The following CAMKMT variants were observed in gnomAD, a reference collection of about 807,000 sequenced individuals.
The protein encoded by CAMKMT is CaM KMT.
In CAMKMT, 53 loss-of-function variants were observed where a neutral mutation model predicts 48.0. The ratio of observed to expected loss-of-function variants is 1.10; its 90% CI spans 0.89 to 1.39. The LOEUF (loss-of-function observed/expected upper bound fraction) is 1.39, where lower values mean the gene tolerates loss of function less well. Ranked by LOEUF, CAMKMT falls within the 40% of genes most tolerant of loss-of-function variation. The pLI, the probability that CAMKMT is intolerant of heterozygous loss-of-function variation, is 0.00. For missense variants in CAMKMT, 428 were observed against 402.7 expected (o/e 1.06, Z -0.54); for synonymous variants, 165 against 152.3 (o/e 1.08, Z -0.61).
At chr2:44,564,820 G>C (rs576222905) in intron 3 of CAMKMT, among the ~76,000 whole-genome samples, 25 of 152,318 alleles carry the variant, frequency 1.6e-4, no homozygotes, top group African/African-American at 5.8e-4. Context: ...GATTACAGGC[G>C]TGAGCTACCA....
At chr2:44,721,750 G>A (rs1409109487) in intron 7 of CAMKMT, among the ~76,000 whole-genome samples, 1 of 152,036 alleles carries the variant, frequency 6.6e-6, no homozygotes, top group African/African-American at 2.4e-5. Context: ...TGGGAGGGTT[G>A]CTTGAGCCCA....
intron 3 of CAMKMT, among the ~76,000 whole-genome samples, chr2:44,634,539 C>T (rs939458402): frequency 1.3e-5 from 2 of 151,962 alleles, no homozygotes; most frequent in African/African-American, 4.8e-5. Context: ...TAGAAATTTA[C>T]TTATACATCA....
intron 3 of CAMKMT, among the ~76,000 whole-genome samples, chr2:44,402,703 A>G (rs950132322): frequency 2.1e-5 from 3 of 142,620 alleles, no homozygotes; most frequent in Non-Finnish European, 3.0e-5. Flanking sequence ...TGCATCCTGG[A>G]CAGTTCTCTA....
intron 1 of CAMKMT, among the ~76,000 whole-genome samples, chr2:44,371,141 C>A (rs906797298): frequency 6.6e-6 from 1 of 152,176 alleles, no homozygotes; most frequent in Non-Finnish European, 1.5e-5. Context: ...CCCGCCACCA[C>A]ACCTGGCTAA....
chr2:44,738,459 A>C (rs1440654534), intron 7 of CAMKMT, among the ~76,000 whole-genome samples: 1 of 152,222 alleles, frequency 6.6e-6, no homozygotes, highest in African/African-American at 2.4e-5. Context: ...ATATCTAGCT[A>C]ATCCACACAT....
chr2:44,564,284 T>C (rs1278071983), intron 3 of CAMKMT, among the ~76,000 whole-genome samples: 2 of 151,712 alleles, frequency 1.3e-5, no homozygotes, highest in African/African-American at 4.8e-5. Context: ...CAAGCGATTC[T>C]CCTGCCTCAG....
At chr2:44,364,385 C>T (rs936938054) in intron 1 of CAMKMT, among the ~76,000 whole-genome samples, 3 of 152,064 alleles carry the variant, frequency 2.0e-5, no homozygotes, top group Non-Finnish European at 2.9e-5. Context: ...GAAGCCACCC[C>T]TAATGCCTCT....
intron 3 of CAMKMT, among the ~76,000 whole-genome samples, chr2:44,399,165 A>C (rs1682129709): frequency 6.6e-6 from 1 of 152,166 alleles, no homozygotes; most frequent in Non-Finnish European, 1.5e-5. Flanking sequence ...AGTTCGTCTT[A>C]AGCCTTTGCC....
At chr2:44,459,081 T>A (rs1007498106) in intron 3 of CAMKMT, among the ~76,000 whole-genome samples, 3 of 151,804 alleles carry the variant, frequency 2.0e-5, no homozygotes, top group African/African-American at 7.3e-5. Context: ...CTGCTCTACC[T>A]CTGTAGACAT....
intron 3 of CAMKMT, among the ~76,000 whole-genome samples, chr2:44,462,182 C>G (rs1260257342): frequency 6.6e-6 from 1 of 151,894 alleles, no homozygotes; most frequent in African/African-American, 2.4e-5. Context: ...ATATAATACA[C>G]AGGACAACTC....
At chr2:44,427,480 G>T (rs1684347248) in intron 3 of CAMKMT, among the ~76,000 whole-genome samples, 1 of 152,192 alleles carries the variant, frequency 6.6e-6, no homozygotes, top group South Asian at 2.1e-4. Context: ...CCATTGAAAA[G>T]TGGGCAAAGG....
intron 3 of CAMKMT, among the ~76,000 whole-genome samples, chr2:44,602,669 G>A (rs1055252569): frequency 6.6e-5 from 10 of 151,994 alleles, no homozygotes; most frequent in African/African-American, 1.5e-4. Context: ...AAGCAAGCAC[G>A]TCTTACTACG....
intron 3 of CAMKMT, among the ~76,000 whole-genome samples, chr2:44,632,648 C>T (rs1185628113): frequency 1.3e-5 from 2 of 152,138 alleles, no homozygotes; most frequent in East Asian, 3.9e-4. Flanking sequence ...AGTATTGATC[C>T]TGGGTGCATC....
intron 3 of CAMKMT, among the ~76,000 whole-genome samples, chr2:44,419,722 A>AT (rs1683800334): frequency 2.6e-5 from 4 of 152,158 alleles, no homozygotes. Context: ...ACACAGGCGC[A>AT]TGCTAAAAAT....
intron 3 of CAMKMT, among the ~76,000 whole-genome samples, chr2:44,684,056 G>A (rs909367202): frequency 3.3e-5 from 5 of 152,112 alleles, no homozygotes; most frequent in Admixed American, 2.0e-4. Context: ...TAAATACAAC[G>A]TTCTGGGTTT....
At chr2:44,537,971 A>G (rs1296534698) in intron 3 of CAMKMT, among the ~76,000 whole-genome samples, 1 of 152,224 alleles carries the variant, frequency 6.6e-6, no homozygotes, top group Non-Finnish European at 1.5e-5. Flanking sequence ...CCAACGGAAA[A>G]GAAATCATAT....
At chr2:44,689,264 T>TTTTTTTTATTTATTTATTTA (rs1553438288) in intron 3 of CAMKMT, among the ~76,000 whole-genome samples, 4 of 136,208 alleles carry the variant, frequency 2.9e-5, no homozygotes, top group African/African-American at 1.1e-4. Flanking sequence ...CAGCACTATT[T>TTTTTTTTATTTATTTATTTA]TTTATTTATT....
chr2:44,531,513 G>C (rs72881118), intron 3 of CAMKMT, among the ~76,000 whole-genome samples: 2,135 of 152,230 alleles, frequency 0.014, 39 homozygotes, highest in African/African-American at 0.043. Flanking sequence ...GAATGAGAAG[G>C]ACAGCTGACA....
At chr2:44,594,026 G>C (rs773533864) in intron 3 of CAMKMT, among the ~76,000 whole-genome samples, 24 of 152,176 alleles carry the variant, frequency 1.6e-4, no homozygotes, top group Non-Finnish European at 2.2e-4. Flanking sequence ...GCCTCCAAAA[G>C]TGCTGGGATT....
Sources: allele counts gnomAD v4.1 joint callset (sites outside exome capture counted in the v4.1 genomes callset), GRCh38; gene constraint gnomAD v4.1.1; transcripts MANE v1.5; gene names NCBI Gene and HGNC (gene_info 2026-07-23, HGNC 2026-07-21).